OASL: variants seen among roughly 807,000 people sequenced by gnomAD.
OASL encodes 2'-5'-oligoadenylate synthetase like, also known as 2'-5'-oligoadenylate synthase-like protein.
A neutral mutation model predicts 35.3 loss-of-function variants in OASL; 28 were observed. The ratio of observed to expected loss-of-function variants is 0.79; its 90% CI spans 0.59 to 1.09. The LOEUF is 1.09. Ranked by LOEUF, OASL falls within the 50% of genes least tolerant of loss-of-function variation. The probability of loss-of-function intolerance (pLI) is 0.00; values close to 1 mark genes in which losing one functional copy is unlikely to be tolerated. For missense variants in OASL, 620 were observed against 635.2 expected (o/e 0.98, Z 0.26); for synonymous variants, 252 against 254.6 (o/e 0.99, Z 0.10).
chr12:121,023,159 T>G (rs569483303), intron 5 of OASL, among the ~76,000 whole-genome samples: 2 of 152,278 alleles, frequency 1.3e-5, no homozygotes, highest in East Asian at 3.9e-4. Context: ...TTTGTTTGTT[T>G]GTTTGTTTTC....
chr12:121,030,549 C>T (rs1287941283), intron 3 of OASL, among the ~76,000 whole-genome samples: 1 of 151,932 alleles, frequency 6.6e-6, no homozygotes, highest in Admixed American at 6.6e-5. Context: ...CTGTCTGATT[C>T]CCTTGTAACT....
chr12:121,025,760 A>T (rs1433261784), intron 4 of OASL, among the ~76,000 whole-genome samples: 1 of 62,304 alleles, frequency 1.6e-5, no homozygotes, highest in African/African-American at 5.4e-5. Flanking sequence ...AGACTCCATT[A>T]AAAAAAAAAA....
rs771899196 is a variant in OASL, at chr12:121,020,992, G to T, written c.1114C>A (p.Pro372Thr). ...TTAACCTTCCTTATGGGCTCATAAGGGTTCACGATGAGGTTGAAATCTGGG... is the reference window on the plus strand; with the variant it reads ...TTAACCTTCCTTATGGGCTCATAAGTGTTCACGATGAGGTTGAAATCTGGG... The change falls in exon 6 of 6, where the codon CCT becomes ACT. Residue 372 changes from proline to threonine, a missense_variant. Pro to Thr is a conservative substitution (Grantham distance 38). Transcript: ENST00000257570. 9.3e-6 allele frequency: 15 copies of T among 1,613,352 alleles called. No homozygotes were observed. Among genetic ancestry groups the T allele is most frequent in the African/African-American group, 5.3e-5 (4 of 74,888 alleles).
Position 121,035,981 on chromosome 12 carries a change from C to T in OASL, c.199-2238G>A, listed in dbSNP as rs545681030. On this transcript the variant is annotated intron_variant, in intron 1 of 5. Coordinates refer to ENST00000257570, the Ensembl canonical transcript of OASL. ...TAAGCAATCCTCCCACCTCAGCCTC[C>T]GGAGTAGCTGGAACTACAGGCATGC... is the stretch of plus-strand genomic sequence containing the variant. Among the ~76,000 whole-genome samples, 20 of 152,332 alleles carry T rather than the reference C, an allele frequency of 1.3e-4. No homozygotes were observed. In the South Asian group the frequency reaches 2.1e-3, roughly 16 times the overall value.
At position 121,037,059 on chromosome 12, in the gene OASL, T is replaced by A. The variant is rs142709446; in HGVS notation, c.198+1715A>T. On this transcript the variant is annotated intron_variant, in intron 1 of 5. Coordinates refer to ENST00000257570, the Ensembl canonical transcript of OASL. ...AAATTGTATGGCCTCAGGCTTCATATGCTGGGGATAGGTGCAAAGAACGGA... is the reference window on the plus strand; with the variant it reads ...AAATTGTATGGCCTCAGGCTTCATAAGCTGGGGATAGGTGCAAAGAACGGA... 3.9e-5 allele frequency among the ~76,000 whole-genome samples: 6 copies of A among 152,280 alleles called. No individual in the cohort carries two copies. In the East Asian group the frequency reaches 9.6e-4, roughly 24 times the overall value.
At chr12:121,033,790 C>A (rs373651836) in intron 1 of OASL, 47 bp from the exon 2 acceptor site, 23 of 1,588,206 alleles carry the variant, frequency 1.4e-5, no homozygotes, top group Non-Finnish European at 1.8e-5. Context: ...TGCCATGAGC[C>A]AGGCAACCCC....
At chr12:121,031,775 T>G (rs1442625709) in intron 2 of OASL, among the ~76,000 whole-genome samples, 158 bp from the exon 3 acceptor site, 2 of 152,140 alleles carry the variant, frequency 1.3e-5, no homozygotes, top group African/African-American at 4.8e-5. Context: ...CTTGTCTAAT[T>G]GTCCTTTTTG....
intron 1 of OASL, among the ~76,000 whole-genome samples, chr12:121,036,721 A>C (rs959784125): frequency 3.9e-5 from 6 of 151,986 alleles, no homozygotes; most frequent in Non-Finnish European, 4.4e-5. Context: ...TATTCCCTCC[A>C]CTTTATTCTC....
intron 3 of OASL, among the ~76,000 whole-genome samples, chr12:121,030,391 A>T (rs1358924876): frequency 6.6e-6 from 1 of 152,026 alleles, no homozygotes; most frequent in Non-Finnish European, 1.5e-5. Flanking sequence ...TTTTTAGTAG[A>T]GATGGGGTTT....
chr12:121,023,287 C>CT (rs768266698), intron 5 of OASL, among the ~76,000 whole-genome samples: 39,234 of 122,316 alleles, frequency 0.32, 6,753 homozygotes, highest in East Asian at 0.52. Context: ...TTTTTTTTTT[C>CT]TTTTTTTCTT....
rs533016778 is a variant in OASL, at chr12:121,030,711, C to A, written c.657+731G>T. On this transcript the variant is annotated intron_variant, in intron 3 of 5. Transcript: ENST00000257570. ...TGAGGGCTGTTTACACTCACACATG[C>A]CCTCTTTTCGACTCCTGGGGTGGAA... is the stretch of plus-strand genomic sequence containing the variant. Among the ~76,000 whole-genome samples, 5 of 152,252 alleles carry A rather than the reference C, an allele frequency of 3.3e-5. 1 individual carries two copies. The highest frequency in any genetic ancestry group is 1.2e-4 in the African/African-American group (5 of 41,546).
At chr12:121,025,757 A>G (rs1384438585) in intron 4 of OASL, among the ~76,000 whole-genome samples, 1 of 126,024 alleles carries the variant, frequency 7.9e-6, no homozygotes, top group African/African-American at 2.9e-5. Context: ...GCAAGACTCC[A>G]TTAAAAAAAA....
At chr12:121,023,757 T>G in intron 5 of OASL, 1 of 452,650 alleles carries the variant, frequency 2.2e-6, no homozygotes. Flanking sequence ...CTCCAGTAAA[T>G]TATGGGAAAA....
intron 5 of OASL, among the ~76,000 whole-genome samples, chr12:121,023,295 CT>C (rs143908019): frequency 8.8e-5 from 12 of 135,782 alleles, no homozygotes; most frequent in East Asian, 2.1e-4. Flanking sequence ...TTCTTTTTTT[CT>C]TTTTTTTTTG....
intron 5 of OASL, among the ~76,000 whole-genome samples, chr12:121,021,461 G>T (rs1219640496): frequency 6.6e-6 from 1 of 152,228 alleles, no homozygotes; most frequent in Admixed American, 6.5e-5. Flanking sequence ...GGTGGCTGGA[G>T]AGCACCTGGA....
intron 1 of OASL, among the ~76,000 whole-genome samples, chr12:121,037,356 A>G (rs1869993802): frequency 6.6e-6 from 1 of 152,006 alleles, no homozygotes; most frequent in Non-Finnish European, 1.5e-5. Flanking sequence ...GGCATGAAAC[A>G]GCTGGAGGAA....
intron 2 of OASL, among the ~76,000 whole-genome samples, 180 bp downstream of exon 2, chr12:121,033,281 C>A (rs1565906883): frequency 6.6e-6 from 1 of 152,060 alleles, no homozygotes. Context: ...CCAAGTTGAG[C>A]AATATGATAG....
At chr12:121,038,477 T>C (rs73419614) in intron 1 of OASL, among the ~76,000 whole-genome samples, 3,050 of 152,288 alleles carry the variant, frequency 0.02, 98 homozygotes, top group African/African-American at 0.069. Flanking sequence ...AGCCTCCATT[T>C]GCTAATCTGT....
At chr12:121,020,663 T>G in exon 6 of OASL, 1 of 1,614,236 alleles carries the variant, frequency 6.2e-7, no homozygotes. Context: ...CCTGCAGGAC[T>G]TGGCCTTGGA....
Sources: allele counts gnomAD v4.1 joint callset (sites outside exome capture counted in the v4.1 genomes callset), GRCh38; gene constraint gnomAD v4.1.1; transcripts MANE v1.5; gene names NCBI Gene and HGNC (gene_info 2026-07-23, HGNC 2026-07-21).